The following PTPN4 variants were observed in gnomAD, a reference collection of about 807,000 sequenced individuals.
PTPN4 encodes tyrosine-protein phosphatase non-receptor type 4.
Under a neutral mutation model 135.5 loss-of-function variants are expected in PTPN4, and 49 were observed. The ratio of observed to expected loss-of-function variants is 0.36; its 90% CI spans 0.29 to 0.46. The LOEUF (loss-of-function observed/expected upper bound fraction) is 0.46, where lower values mean the gene tolerates loss of function less well. PTPN4 is among the 20% of genes least tolerant of loss of function. The pLI is 1.00. For synonymous variants in PTPN4, 333 were observed against 369.9 expected, an observed-to-expected ratio of 0.90 and a Z score of 1.14; for missense variants, 860 against 1,101.0, an observed-to-expected ratio of 0.78 and a Z score of 3.10.
chr2:119,956,240 T>TTC (rs1679280031), intron 20 of PTPN4, among the ~76,000 whole-genome samples: 1 of 121,236 alleles, frequency 8.2e-6, no homozygotes, highest in Non-Finnish European at 1.6e-5. Context: ...AACCTGAATT[T>TTC]TTTTTTTTTT....
chr2:119,962,812 T>C (rs1679388357), intron 24 of PTPN4, 68 bp downstream of exon 24: 2 of 1,265,110 alleles, frequency 1.6e-6, no homozygotes, highest in Admixed American at 2.6e-5. Context: ...GCTGAAAATG[T>C]TTTTAGTTTG....
chr2:119,845,481 T>C (rs994620466), intron 2 of PTPN4, among the ~76,000 whole-genome samples: 1 of 152,154 alleles, frequency 6.6e-6, no homozygotes, highest in African/African-American at 2.4e-5. Context: ...AATTTGTCCA[T>C]TTCATCTACA....
chr2:119,798,047 AAT>A (rs1691294540), intron 1 of PTPN4, among the ~76,000 whole-genome samples: 1 of 152,168 alleles, frequency 6.6e-6, no homozygotes, highest in East Asian at 1.9e-4. Flanking sequence ...AGGTACATTA[AAT>A]ATGTTTAAAG....
chr2:119,761,510 G>C (rs1690500174), intron 1 of PTPN4, among the ~76,000 whole-genome samples: 1 of 152,192 alleles, frequency 6.6e-6, no homozygotes, highest in South Asian at 2.1e-4. Flanking sequence ...GTAAGCAGAA[G>C]TTTGTGTATT....
chr2:119,842,454 A>G (rs1677395278), intron 2 of PTPN4, among the ~76,000 whole-genome samples: 2 of 152,318 alleles, frequency 1.3e-5, no homozygotes, highest in Non-Finnish European at 2.9e-5. Context: ...GAACTTCTGT[A>G]TATCCAGCTT....
chr2:119,974,766 T>C (rs1236244990), intron 26 of PTPN4, among the ~76,000 whole-genome samples: 2 of 152,200 alleles, frequency 1.3e-5, no homozygotes, highest in Non-Finnish European at 2.9e-5. Flanking sequence ...TTTTATTTGC[T>C]TGGGTTAATT....
chr2:119,879,041 C>T (rs1277443673), intron 5 of PTPN4, among the ~76,000 whole-genome samples: 7 of 148,048 alleles, frequency 4.7e-5, no homozygotes, highest in Non-Finnish European at 7.4e-5. Context: ...GGCAGTGAGC[C>T]GAGATCACGC....
At chr2:119,925,850 A>T (rs752223086) in intron 12 of PTPN4, among the ~76,000 whole-genome samples, 2 of 152,172 alleles carry the variant, frequency 1.3e-5, no homozygotes, top group Non-Finnish European at 2.9e-5. Context: ...TCATTATTCT[A>T]ATGTGGAAAT....
Position 119,955,204 on chromosome 2 carries a change from C to T in PTPN4, c.1861C>T (p.Gln621Ter). The T allele has an allele frequency of 6.2e-7, 1 of 1,612,234 alleles. No individual in the cohort carries two copies. Among genetic ancestry groups the T allele is most frequent in the Non-Finnish European group, 8.5e-7 (1 of 1,179,400 alleles). Residue 621 changes from glutamine to a stop codon, truncating the protein, a stop_gained, in exon 20 of 27, where the codon CAG (glutamine) becomes TAG (stop). Transcript: ENST00000263708. LOFTEE classifies it high-confidence loss of function. ...AAAGCTAGAAAATGAGCCAGATTTC[C>T]AGTATATTCCTGAGAAAGCCCCACT... ...EEKLENEPDF[Q>*]YIPEKAPLDS...
At chr2:119,806,854 A>G (rs143852002) in intron 1 of PTPN4, among the ~76,000 whole-genome samples, 3,166 of 152,332 alleles carry the variant, frequency 0.021, 47 homozygotes, top group Non-Finnish European at 0.032. Context: ...CAAATGTAAA[A>G]GAACAGAAAT....
chr2:119,795,806 G>T (rs959395542), intron 1 of PTPN4, among the ~76,000 whole-genome samples: 2 of 152,216 alleles, frequency 1.3e-5, no homozygotes, highest in Non-Finnish European at 2.9e-5. Context: ...TTCTGCCTTG[G>T]GGCCCTCTAT....
At chr2:119,841,886 A>G (rs1468997745) in intron 2 of PTPN4, among the ~76,000 whole-genome samples, 1 of 152,150 alleles carries the variant, frequency 6.6e-6, no homozygotes, top group Non-Finnish European at 1.5e-5. Flanking sequence ...TGGTGTTAAA[A>G]TTTGCTGGTG....
chr2:119,934,966 CT>C lies in PTPN4; in HGVS notation c.1355+14del. On this transcript the variant is annotated intron_variant, in intron 15 of 26. Coordinates refer to ENST00000263708, the MANE Select transcript of PTPN4 (RefSeq NM_002830.4). ...TGTTCTGGAATCATCACCGTAAGAG[CT>C]TTTTTATTTTGCTTCCTCTGTATTT... is the stretch of plus-strand genomic sequence containing the variant. The C allele has an allele frequency of 6.3e-7, 1 of 1,598,244 alleles. No individual in the cohort carries two copies. The highest frequency in any genetic ancestry group is 8.5e-7 in the Non-Finnish European group (1 of 1,172,556).
At chr2:119,849,808 C>T (rs1223405766) in intron 2 of PTPN4, among the ~76,000 whole-genome samples, 7 of 152,236 alleles carry the variant, frequency 4.6e-5, no homozygotes, top group Non-Finnish European at 1.0e-4. Context: ...TGTTTGACTC[C>T]TCTGATTTCT....
intron 26 of PTPN4, among the ~76,000 whole-genome samples, chr2:119,970,155 G>T (rs1314754074): frequency 6.6e-6 from 1 of 151,992 alleles, no homozygotes; most frequent in Non-Finnish European, 1.5e-5. Flanking sequence ...CGCCTTCCGG[G>T]TTCAAGCGAT....
At chr2:119,959,453 T>C (rs183669448) in intron 22 of PTPN4, among the ~76,000 whole-genome samples, 1 of 152,334 alleles carries the variant, frequency 6.6e-6, no homozygotes, top group East Asian at 1.9e-4. Flanking sequence ...TTAAATATAC[T>C]ATGGGGCCAG....
At position 119,881,789 on chromosome 2, in the gene PTPN4, C is replaced by T; in HGVS notation, c.372C>T (p.Tyr124=). 6.4e-7 allele frequency: 1 copy of T among 1,555,112 alleles called. No homozygotes were observed. The highest frequency in any genetic ancestry group is 8.8e-7 in the Non-Finnish European group (1 of 1,136,482). Residue 124 remains tyrosine, a synonymous_variant, in exon 6 of 27, where the codon TAC becomes TAT. Coordinates refer to ENST00000263708, the MANE Select transcript of PTPN4 (RefSeq NM_002830.4). ...PNKLQEEYTR[Y]QYFLQIKQDI... is the part of the protein sequence containing the mutation. ...TTTTTGTTTGTTTGTTTTTAAGGTA[C>T]CAGTATTTTTTGCAAATTAAACAAG...
intron 26 of PTPN4, among the ~76,000 whole-genome samples, chr2:119,975,135 CAG>C (rs1679594390): frequency 6.6e-6 from 1 of 152,098 alleles, no homozygotes; most frequent in Non-Finnish European, 1.5e-5. Flanking sequence ...ATTTTTGAGA[CAG>C]AGTCTTGCTC....
chr2:119,900,545 C>A (rs1308537468), intron 9 of PTPN4, among the ~76,000 whole-genome samples, 173 bp from the exon 10 acceptor site: 1 of 151,852 alleles, frequency 6.6e-6, no homozygotes, highest in East Asian at 1.9e-4. Flanking sequence ...AAAATTTGTT[C>A]TTTATTTTTA....
Sources: gnomAD v4.1 joint callset for allele counts (sites outside exome capture counted in the v4.1 genomes callset) on GRCh38, gnomAD v4.1.1 for gene constraint, MANE v1.5 for transcripts, NCBI Gene and HGNC (gene_info 2026-07-23, HGNC 2026-07-21) for gene names.